The following AFAP1L2 variants were observed in gnomAD, a reference collection of about 807,000 sequenced individuals.
AFAP1L2 encodes actin filament-associated protein 1-like 2.
Under a neutral mutation model 99.3 loss-of-function variants are expected in AFAP1L2, and 46 were observed. That is an observed-to-expected ratio of 0.46 (90% CI 0.37 to 0.59). The LOEUF is 0.59. AFAP1L2 is among the 20% of genes least tolerant of loss of function. The pLI is 0.00. For missense variants in AFAP1L2, 959 were observed against 1,034.9 expected (o/e 0.93, Z 1.01); for synonymous variants, 397 against 419.1 (o/e 0.95, Z 0.64).
At chr10:114,376,580 A>G (rs482627) in intron 1 of AFAP1L2, among the ~76,000 whole-genome samples, 138,921 of 152,192 alleles carry the variant, frequency 0.91, 64,461 homozygotes, top group East Asian at 1. Context: ...GCAATTACCT[A>G]ACTCAAAAGA....
At chr10:114,313,187 C>T (rs2043536715) in intron 7 of AFAP1L2, among the ~76,000 whole-genome samples, 1 of 152,080 alleles carries the variant, frequency 6.6e-6, no homozygotes. Context: ...ACTGGCCTCA[C>T]CAGGGTCCCT....
rs770156051 is a variant in AFAP1L2 at position 114,304,747 on chromosome 10, T to C, written c.1256A>G (p.His419Arg). 1 of 1,611,236 alleles carries C rather than the reference T, an allele frequency of 6.2e-7. No homozygotes were observed. The highest frequency in any genetic ancestry group is 2.2e-5 in the East Asian group (1 of 44,866). The change falls in exon 11 of 19, where the codon CAC (histidine) becomes CGC (arginine). Residue 419 changes from histidine (H) to arginine (R), a missense_variant. Physicochemically the swap from His to Arg is conservative, Grantham distance 29 (BLOSUM62 0). Around this residue, in one of 2 missense-constraint regions of AFAP1L2, gnomAD observed 576 missense variants for 562.1 expected, o/e 1.02. Coordinates refer to ENST00000304129, the MANE Select transcript of AFAP1L2 (RefSeq NM_001001936.3). ...AAGCTTGGCCAGCTCCTCGCCCTTG[T>C]GGAGGATGCGGAAGGAGTAGAGGTG... ...PDHLYSFRIL[H>R]KGEELAKLEA... is the part of the protein sequence containing the mutation.
chr10:114,385,001 G>A (rs1439097462), intron 1 of AFAP1L2, among the ~76,000 whole-genome samples: 2 of 152,202 alleles, frequency 1.3e-5, no homozygotes, highest in African/African-American at 4.8e-5. Context: ...ACCCACATAG[G>A]CCAGGGACTC....
intron 7 of AFAP1L2, among the ~76,000 whole-genome samples, chr10:114,312,971 A>T (rs1043744331): frequency 6.6e-6 from 1 of 152,142 alleles, no homozygotes; most frequent in African/African-American, 2.4e-5. Context: ...TCAGGCGGGT[A>T]CTGAGGTCCT....
intron 1 of AFAP1L2, chr10:114,363,146 T>G (rs1378892195): frequency 1.0e-6 from 1 of 985,346 alleles, no homozygotes; most frequent in East Asian, 1.1e-4. Flanking sequence ...TCTGAACACA[T>G]AAGCAGCAAA....
At chr10:114,300,725 T>C (rs765816169) in intron 13 of AFAP1L2, 35 bp from the exon 14 acceptor site, 12 of 1,553,444 alleles carry the variant, frequency 7.7e-6, no homozygotes, top group Non-Finnish European at 9.6e-6. Flanking sequence ...CATTCAACAT[T>C]ACCTCTACTC....
At chr10:114,380,502 G>A (rs1223384989) in intron 1 of AFAP1L2, among the ~76,000 whole-genome samples, 1 of 152,180 alleles carries the variant, frequency 6.6e-6, no homozygotes, top group East Asian at 1.9e-4. Flanking sequence ...CTTCTAGGCA[G>A]CAGGAACAAT....
At chr10:114,340,073 G>C (rs943232891) in intron 2 of AFAP1L2, among the ~76,000 whole-genome samples, 1 of 150,072 alleles carries the variant, frequency 6.7e-6, no homozygotes, top group Non-Finnish European at 1.5e-5. Context: ...GCTCACGCCT[G>C]TAATCCCAGC....
rs972843610 is a variant in AFAP1L2 at position 114,320,860 on chromosome 10, C to T, written c.406+2311G>A. Among the ~76,000 whole-genome samples the T allele has an allele frequency of 3.9e-5, 6 of 152,334 alleles. No individual in the cohort carries two copies. In the South Asian group the frequency reaches 8.3e-4, roughly 21 times the overall value. On this transcript the variant is annotated intron_variant, in intron 5 of 18. Coordinates refer to ENST00000304129, the MANE Select transcript of AFAP1L2 (RefSeq NM_001001936.3). ...GGTGAGTCACTGTTTCCACCTTCAA[C>T]GCGCATCCAGACAGCAGCACCGCAC... is the stretch of plus-strand genomic sequence containing the variant.
At chr10:114,321,237 G>A (rs2045245508) in intron 5 of AFAP1L2, among the ~76,000 whole-genome samples, 1 of 152,106 alleles carries the variant, frequency 6.6e-6, no homozygotes, top group African/African-American at 2.4e-5. Context: ...CGAATATGTA[G>A]TCTTTTATCC....
chr10:114,366,890 C>A (rs965815526), intron 1 of AFAP1L2, among the ~76,000 whole-genome samples: 4 of 152,170 alleles, frequency 2.6e-5, no homozygotes, highest in Non-Finnish European at 4.4e-5. Context: ...ATCGCTTGAA[C>A]CCAGGAGGTG....
In AFAP1L2 at chr10:114,296,996, A is replaced by C; in HGVS notation, c.2412T>G (p.Thr804=). 6.2e-7 allele frequency: 1 copy of C among 1,614,170 alleles called. No homozygotes were observed. The highest frequency in any genetic ancestry group is 8.5e-7 in the Non-Finnish European group (1 of 1,180,028). ...TGCTTACCTTGGCTTTCTGGAGTAC[A>C]GTGCCTTTGCCTGTGACCACGACCG... ...PLSVVVTGKG[T]VLQKAKEWEK... Residue 804 remains threonine, a synonymous_variant, in exon 18 of 19, where the codon ACT becomes ACG. Coordinates refer to ENST00000304129, the MANE Select transcript of AFAP1L2 (RefSeq NM_001001936.3).
chr10:114,378,192 T>G (rs946818890), intron 1 of AFAP1L2, among the ~76,000 whole-genome samples: 8 of 152,250 alleles, frequency 5.3e-5, no homozygotes, highest in Admixed American at 1.3e-4. Flanking sequence ...TTACAATTCT[T>G]TTCCGCTTCA....
chr10:114,315,902 C>T (rs1295714382), intron 5 of AFAP1L2, 137 bp from the exon 6 acceptor site: 3 of 847,826 alleles, frequency 3.5e-6, no homozygotes, highest in South Asian at 1.8e-5. Flanking sequence ...CAAAGCAGCC[C>T]CACAGCCAGC....
chr10:114,398,229 T>C (rs2057911426), intron 1 of AFAP1L2, among the ~76,000 whole-genome samples: 1 of 152,250 alleles, frequency 6.6e-6, no homozygotes, highest in Admixed American at 6.5e-5. Context: ...GGGTCTCTCC[T>C]ATGTGGACTT....
chr10:114,346,331 GGT>G (rs766452488), intron 1 of AFAP1L2, among the ~76,000 whole-genome samples: 3 of 152,164 alleles, frequency 2.0e-5, no homozygotes, highest in Non-Finnish European at 2.9e-5. Context: ...TAGTCGTCTG[GGT>G]GTGTGTCTAT....
chr10:114,328,151 G>A (rs1226171030), intron 4 of AFAP1L2, among the ~76,000 whole-genome samples: 1 of 152,114 alleles, frequency 6.6e-6, no homozygotes, highest in African/African-American at 2.4e-5. Flanking sequence ...ACAGCTGCCT[G>A]AGTCACTGTC....
intron 1 of AFAP1L2, among the ~76,000 whole-genome samples, chr10:114,364,468 C>T (rs2052912451): frequency 1.3e-5 from 2 of 152,152 alleles, no homozygotes; most frequent in South Asian, 4.1e-4. Flanking sequence ...CATTCCCTGG[C>T]TTGTGGCTGC....
chr10:114,343,550 AGGAG>A (rs775215737), intron 1 of AFAP1L2, among the ~76,000 whole-genome samples: 21 of 152,284 alleles, frequency 1.4e-4, no homozygotes, highest in South Asian at 1.2e-3. Context: ...ATAACCAGCA[AGGAG>A]GGAGGGAGGG....
Sources: gnomAD v4.1 joint callset for allele counts (sites outside exome capture counted in the v4.1 genomes callset) on GRCh38, gnomAD v4.1.1 for gene constraint, gnomAD v4.1.1 regional missense constraint, MANE v1.5 for transcripts, NCBI Gene and HGNC (gene_info 2026-07-23, HGNC 2026-07-21) for gene names.